The following TAFA1 variants were observed in gnomAD, a reference collection of about 807,000 sequenced individuals.
TAFA1 encodes chemokine-like protein TAFA-1.
TAFA1 carries 4 observed loss-of-function variants against 18.5 expected under a neutral mutation model. The observed-to-expected ratio is 0.22, with a 90% confidence interval of 0.11 to 0.49. The LOEUF is 0.49. Ranked by LOEUF, TAFA1 falls within the 20% of genes least tolerant of loss-of-function variation. TAFA1 has a pLI of 0.98. For synonymous variants in TAFA1, 56 were observed against 55.2 expected (o/e 1.01, Z -0.06); for missense variants, 147 against 169.0 (o/e 0.87, Z 0.72).
intron 3 of TAFA1, among the ~76,000 whole-genome samples, chr3:68,523,773 C>G (rs1450633196): frequency 6.6e-6 from 1 of 152,146 alleles, no homozygotes; most frequent in Non-Finnish European, 1.5e-5. Flanking sequence ...TGCATGTACT[C>G]TTGCTTCCCA....
intron 4 of TAFA1, among the ~76,000 whole-genome samples, chr3:68,539,697 T>TG (rs2073340826): frequency 5.3e-5 from 1 of 18,836 alleles, no homozygotes; most frequent in Admixed American, 7.0e-4. Flanking sequence ...ATGGGGTGGG[T>TG]GGGTGGGTGT....
intron 2 of TAFA1, among the ~76,000 whole-genome samples, chr3:68,116,912 G>T (rs530960642): frequency 6.6e-6 from 1 of 152,148 alleles, no homozygotes; most frequent in Admixed American, 6.5e-5. Context: ...CATGCAAGTT[G>T]AGTAGTTGGT....
At chr3:68,154,369 A>G (rs1000896) in intron 2 of TAFA1, among the ~76,000 whole-genome samples, 21,999 of 152,178 alleles carry the variant, frequency 0.14, 1,932 homozygotes, top group Middle Eastern at 0.2. Context: ...AAACTGATAA[A>G]TGTAATTTCC....
intron 2 of TAFA1, among the ~76,000 whole-genome samples, chr3:68,401,926 C>G (rs953012958): frequency 4.6e-5 from 7 of 152,176 alleles, no homozygotes; most frequent in African/African-American, 1.7e-4. Context: ...CAGGTGTCTG[C>G]TACAGAGTAG....
chr3:68,405,589 A>G (rs931648921), intron 2 of TAFA1, among the ~76,000 whole-genome samples: 3 of 149,994 alleles, frequency 2.0e-5, no homozygotes, highest in African/African-American at 7.4e-5. Flanking sequence ...AGTTCCAGCT[A>G]CATGGGAGGC....
intron 2 of TAFA1, among the ~76,000 whole-genome samples, chr3:68,394,528 G>A (rs1431638125): frequency 6.6e-6 from 1 of 152,074 alleles, no homozygotes; most frequent in Non-Finnish European, 1.5e-5. Context: ...AAAATTGGAG[G>A]CATCATGCTA....
chr3:68,240,482 C>A (rs897494436), intron 2 of TAFA1, among the ~76,000 whole-genome samples: 1 of 152,312 alleles, frequency 6.6e-6, no homozygotes, highest in African/African-American at 2.4e-5. Context: ...TGATTTAGAA[C>A]ATAGCATAAC....
intron 2 of TAFA1, among the ~76,000 whole-genome samples, chr3:68,091,332 G>T (rs2065027850): frequency 6.6e-6 from 1 of 152,108 alleles, no homozygotes; most frequent in Non-Finnish European, 1.5e-5. Context: ...AAGTTAGTAT[G>T]TTTATTGTTT....
chr3:68,465,601 A>C (rs1211532791), intron 3 of TAFA1, among the ~76,000 whole-genome samples: 1 of 152,226 alleles, frequency 6.6e-6, no homozygotes, highest in Non-Finnish European at 1.5e-5. Context: ...ATATTTCAGA[A>C]CTAGAATAGT....
chr3:68,292,519 C>T (rs2068127939), intron 2 of TAFA1, among the ~76,000 whole-genome samples: 1 of 151,712 alleles, frequency 6.6e-6, no homozygotes, highest in South Asian at 2.1e-4. Context: ...TAATCGTTTG[C>T]CTCTTTCCTT....
At chr3:68,474,082 A>C (rs2072048370) in intron 3 of TAFA1, among the ~76,000 whole-genome samples, 2 of 143,406 alleles carry the variant, frequency 1.4e-5, no homozygotes. Flanking sequence ...AAGCCAAGCT[A>C]TCCTACTTCT....
chr3:68,174,829 A>T (rs777529615), intron 2 of TAFA1, among the ~76,000 whole-genome samples: 16 of 152,226 alleles, frequency 1.1e-4, no homozygotes, highest in Non-Finnish European at 4.4e-5. Context: ...ATTGCCTAAG[A>T]CAATGGGGAA....
intron 2 of TAFA1, among the ~76,000 whole-genome samples, chr3:68,269,320 G>C (rs1055278453): frequency 6.6e-6 from 1 of 151,878 alleles, no homozygotes. Context: ...GCTAGGCATA[G>C]TGGCACATGC....
At chr3:68,014,025 C>G (rs749833330) in intron 2 of TAFA1, among the ~76,000 whole-genome samples, 8 of 152,154 alleles carry the variant, frequency 5.3e-5, no homozygotes, top group Non-Finnish European at 8.8e-5. Flanking sequence ...TGGCATTTAC[C>G]TTTACTATGC....
chr3:68,011,922 A>T (rs1704480589), intron 2 of TAFA1, among the ~76,000 whole-genome samples: 1 of 152,232 alleles, frequency 6.6e-6, no homozygotes, highest in African/African-American at 2.4e-5. Context: ...TAAGAAAATT[A>T]TTACAATGCT....
rs2067334565 is a variant in TAFA1, at chr3:68,258,122, AAGTTTAGTTAAT to A, written c.119-159154_119-159143del. ...TGAAAAAACTGGTAAAATCCAAATA[AAGTTTAGTTAAT>A]AGTAATGTGTCAATGTTAATTTCTT... On this transcript the variant is annotated intron_variant, in intron 2 of 4. Transcript: ENST00000478136. Among the ~76,000 whole-genome samples, 9 of 152,244 alleles carry A rather than the reference AAGTTTAGTTAAT, an allele frequency of 5.9e-5. No homozygotes were observed. In the South Asian group the frequency reaches 1.7e-3, roughly 28 times the overall value.
chr3:68,357,095 T>A (rs1216976740), intron 2 of TAFA1, among the ~76,000 whole-genome samples: 1 of 151,978 alleles, frequency 6.6e-6, no homozygotes, highest in Non-Finnish European at 1.5e-5. Context: ...CCAATCACAC[T>A]GTAAACTCTT....
intron 2 of TAFA1, among the ~76,000 whole-genome samples, chr3:68,104,571 T>C (rs939998840): frequency 3.3e-5 from 5 of 151,944 alleles, no homozygotes; most frequent in African/African-American, 1.2e-4. Flanking sequence ...TTTGAGGGAG[T>C]GGAACTAAAG....
chr3:68,291,756 A>C (rs1413780178), intron 2 of TAFA1, among the ~76,000 whole-genome samples: 1 of 152,182 alleles, frequency 6.6e-6, no homozygotes, highest in Admixed American at 6.5e-5. Context: ...AATGTTATTT[A>C]TGTCCCTAAA....
Sources: allele counts gnomAD v4.1 joint callset (sites outside exome capture counted in the v4.1 genomes callset), GRCh38; gene constraint gnomAD v4.1.1; transcripts MANE v1.5; gene names NCBI Gene and HGNC (gene_info 2026-07-23, HGNC 2026-07-21).